The following MPDZ variants were observed in gnomAD, a reference collection of about 807,000 sequenced individuals.
MPDZ encodes the protein multiple PDZ domain crumbs cell polarity complex component.
In MPDZ, 234 loss-of-function variants were observed where a neutral mutation model predicts 239.1. That is an observed-to-expected ratio of 0.98 (90% CI 0.88 to 1.09). The LOEUF (loss-of-function observed/expected upper bound fraction) is 1.09, where lower values mean the gene tolerates loss of function less well. Ranked by LOEUF, MPDZ falls within the 50% of genes least tolerant of loss-of-function variation. The pLI is 0.00. For missense variants in MPDZ, 3,175 were observed against 2,510.0 expected (o/e 1.26, Z -5.66); for synonymous variants, 1,048 against 881.3 (o/e 1.19, Z -3.35).
At chr9:13,189,045 C>T (rs2134864502) in intron 16 of MPDZ, 52 bp from the exon 17 acceptor site, 1 of 1,517,952 alleles carries the variant, frequency 6.6e-7, no homozygotes, top group Non-Finnish European at 9.0e-7. Context: ...GAAAATTCTT[C>T]TACAGGTCGT....
intron 21 of MPDZ, 25 bp from the exon 22 acceptor site, chr9:13,168,589 A>G (rs377171695): frequency 2.1e-4 from 298 of 1,420,888 alleles, no homozygotes; most frequent in Non-Finnish European, 2.7e-4. Flanking sequence ...AAATGCAAAT[A>G]TAATTAAATA....
chr9:13,130,419 C>G (rs1945800170), intron 32 of MPDZ, among the ~76,000 whole-genome samples: 1 of 149,018 alleles, frequency 6.7e-6, no homozygotes, highest in African/African-American at 2.5e-5. Flanking sequence ...GCATGTACGG[C>G]ACATAACCGT....
At chr9:13,269,934 G>C (rs1156332845) in intron 1 of MPDZ, among the ~76,000 whole-genome samples, 1 of 152,168 alleles carries the variant, frequency 6.6e-6, no homozygotes, top group East Asian at 1.9e-4. Context: ...AAATAAGCAT[G>C]CAGCAATTCG....
In MPDZ at chr9:13,223,695, C is replaced by A. The variant is rs1210563874; in HGVS notation, c.409G>T (p.Val137Phe). The A allele has an allele frequency of 6.9e-6, 11 of 1,605,342 alleles. No homozygotes were observed. The highest frequency in any genetic ancestry group is 1.3e-5 in the African/African-American group (1 of 74,548). The change falls in exon 5 of 47, where the codon GTT becomes TTT. Residue 137 changes from valine to phenylalanine, a missense_variant. Transcript: ENST00000319217. ...KNMAQGRHVEVFELLKPPSGG... is the reference protein window; with the variant it reads ...KNMAQGRHVEFFELLKPPSGG... ...GATGGAGGTTTGAGGAGCTCAAAAA[C>A]TTCTACATGGCGACCCTGTTTAGGA...
chr9:13,275,611 T>C (rs903592747), intron 1 of MPDZ, among the ~76,000 whole-genome samples: 34 of 152,160 alleles, frequency 2.2e-4, no homozygotes, highest in African/African-American at 7.7e-4. Flanking sequence ...GGGTAATAGG[T>C]AATGGCTACA....
At chr9:13,248,704 ATGT>A (rs1966993811) in intron 2 of MPDZ, among the ~76,000 whole-genome samples, 1 of 151,836 alleles carries the variant, frequency 6.6e-6, no homozygotes. Flanking sequence ...GCGGTGGCTC[ATGT>A]CTGTAATCCC....
At chr9:13,207,330 T>G (rs1957117253) in intron 10 of MPDZ, among the ~76,000 whole-genome samples, 1 of 152,140 alleles carries the variant, frequency 6.6e-6, no homozygotes, top group African/African-American at 2.4e-5. Flanking sequence ...ATTCTCAACG[T>G]GGCTTAGAAT....
chr9:13,266,806 C>T (rs1203787244), intron 1 of MPDZ, among the ~76,000 whole-genome samples: 10 of 152,142 alleles, frequency 6.6e-5, no homozygotes, highest in Admixed American at 6.6e-4. Flanking sequence ...AAAGTAATCT[C>T]ATTCAGCTAC....
At chr9:13,246,489 G>C (rs970546281) in intron 3 of MPDZ, among the ~76,000 whole-genome samples, 60 of 152,116 alleles carry the variant, frequency 3.9e-4, no homozygotes, top group African/African-American at 1.4e-3. Flanking sequence ...ACTTGTAAAG[G>C]AGACAAACAC....
chr9:13,157,944 A>G (rs1245304465), intron 24 of MPDZ, 74 bp downstream of exon 24: 5 of 1,254,060 alleles, frequency 4.0e-6, no homozygotes, highest in Non-Finnish European at 5.8e-6. Context: ...GTAATCCAGT[A>G]CTTGAAACCA....
chr9:13,191,626 T>A (rs1954941797), intron 15 of MPDZ, among the ~76,000 whole-genome samples: 1 of 152,264 alleles, frequency 6.6e-6, no homozygotes, highest in African/African-American at 2.4e-5. Context: ...AAATGCTGTG[T>A]CCATCCATAT....
At chr9:13,203,729 CACA>C (rs1564021667) in intron 12 of MPDZ, among the ~76,000 whole-genome samples, 7 of 2,552 alleles carry the variant, frequency 2.7e-3, no homozygotes, top group South Asian at 0.023. Flanking sequence ...TGTATCCTGC[CACA>C]CACACACACA....
At chr9:13,154,302 A>T (rs910041727) in intron 24 of MPDZ, among the ~76,000 whole-genome samples, 2 of 152,140 alleles carry the variant, frequency 1.3e-5, no homozygotes, top group Non-Finnish European at 2.9e-5. Context: ...GAAACTACAG[A>T]ATATGTTCAT....
At chr9:13,219,538 T>A in intron 8 of MPDZ, 21 bp downstream of exon 8, 1 of 1,601,108 alleles carries the variant, frequency 6.2e-7, no homozygotes, top group South Asian at 1.1e-5. Flanking sequence ...ACTTTCACAT[T>A]AACTACTCTT....
intron 1 of MPDZ, among the ~76,000 whole-genome samples, chr9:13,276,952 G>T (rs1974340109): frequency 6.6e-6 from 1 of 152,080 alleles, no homozygotes; most frequent in Non-Finnish European, 1.5e-5. Flanking sequence ...CTCCACCCTA[G>T]CAGTTAAAAA....
At chr9:13,227,404 C>T (rs933863678) in intron 3 of MPDZ, among the ~76,000 whole-genome samples, 2 of 151,536 alleles carry the variant, frequency 1.3e-5, no homozygotes, top group African/African-American at 4.9e-5. Context: ...GCCATGGCAA[C>T]TTCAATAAAG....
intron 38 of MPDZ, chr9:13,120,606 T>C (rs927335840): frequency 1.3e-5 from 2 of 152,222 alleles, no homozygotes; most frequent in Non-Finnish European, 2.9e-5. Context: ...ACTCAAATAA[T>C]ATGCTAAATT....
chr9:13,193,929 A>C (rs1162057202), intron 13 of MPDZ, among the ~76,000 whole-genome samples: 4 of 152,220 alleles, frequency 2.6e-5, no homozygotes, highest in African/African-American at 9.6e-5. Context: ...AGGACTAAAA[A>C]AAAGTTTGAT....
chr9:13,196,726 C>T (rs4740549), intron 12 of MPDZ, among the ~76,000 whole-genome samples: 150,816 of 152,114 alleles, frequency 0.99, 74,770 homozygotes, highest in Middle Eastern at 1. Flanking sequence ...ACTAAGGCTA[C>T]ACATTAAAAT....
Sources: gnomAD v4.1 joint callset for allele counts (sites outside exome capture counted in the v4.1 genomes callset) on GRCh38, gnomAD v4.1.1 for gene constraint, MANE v1.5 for transcripts, NCBI Gene and HGNC (gene_info 2026-07-23, HGNC 2026-07-21) for gene names.